Variants in PTPRT observed in about 807,000 individuals in gnomAD.
PTPRT encodes the protein receptor-type tyrosine-protein phosphatase T.
PTPRT carries 56 observed loss-of-function variants against 176.8 expected under a neutral mutation model. The ratio of observed to expected loss-of-function variants is 0.32; its 90% CI spans 0.26 to 0.40. The LOEUF is 0.40. Among genes scored for constraint, PTPRT ranks in the 10% least tolerant of loss-of-function variants. The probability of loss-of-function intolerance (pLI) is 1.00; values close to 1 mark genes in which losing one functional copy is unlikely to be tolerated. For synonymous variants in PTPRT, 783 were observed against 739.0 expected (o/e 1.06, Z -0.96); for missense variants, 1,540 against 1,908.2 (o/e 0.81, Z 3.60).
chr20:42,499,951 T>C (rs34344731), intron 7 of PTPRT, among the ~76,000 whole-genome samples: 2,779 of 152,318 alleles, frequency 0.018, 44 homozygotes, highest in Non-Finnish European at 0.027. Flanking sequence ...CAGTTTTCCA[T>C]TGTATGACTA....
rs181957081 is a variant in PTPRT, at chr20:42,436,492, C to T, written c.1560+11728G>A. On this transcript the variant is annotated intron_variant, in intron 9 of 30. Transcript: ENST00000373187. The stretch of plus-strand genomic sequence containing the variant: ...AATACAAAGCAAGACAACAAGATAC[C>T]ATTTTATATCTATTTAGTCAAAATG... Among the ~76,000 whole-genome samples the T allele has an allele frequency of 2.5e-3, 379 of 152,166 alleles. 4 individuals carry two copies. The highest frequency in any genetic ancestry group is 8.7e-3 in the African/African-American group (359 of 41,502).
intron 7 of PTPRT, among the ~76,000 whole-genome samples, chr20:42,614,191 C>A (rs866964101): frequency 3.3e-5 from 5 of 152,136 alleles, no homozygotes; most frequent in African/African-American, 1.2e-4. Context: ...TCTCTGCATT[C>A]AATTTCACAT....
rs923203415 is a variant in PTPRT, at chr20:42,602,061, G to A, written c.1153+75805C>T. 4.6e-5 allele frequency among the ~76,000 whole-genome samples: 7 copies of A among 152,132 alleles called. No homozygotes were observed. In the South Asian group the frequency reaches 6.2e-4, roughly 14 times the overall value. The stretch of plus-strand genomic sequence containing the variant: ...ATACAGGGCTCCATGCCTTGTTACC[G>A]GCTCTGCTTCTCAATGTCTTTGCCA... On this transcript the variant is annotated intron_variant, in intron 7 of 30. Transcript: ENST00000373187.
At chr20:42,865,527 T>G (rs773224817) in intron 2 of PTPRT, among the ~76,000 whole-genome samples, 14 of 152,214 alleles carry the variant, frequency 9.2e-5, no homozygotes, top group Non-Finnish European at 1.6e-4. Flanking sequence ...CCTGCTCTGA[T>G]GGAGCTTATA....
intron 2 of PTPRT, among the ~76,000 whole-genome samples, chr20:42,881,748 A>AAAG (rs2079015135): frequency 6.7e-6 from 1 of 148,328 alleles, no homozygotes; most frequent in African/African-American, 2.5e-5. Context: ...AAAAAAAAAA[A>AAAG]AGAGAGAGAG....
intron 2 of PTPRT, among the ~76,000 whole-genome samples, chr20:42,820,162 T>A (rs1008625275): frequency 1.3e-5 from 2 of 152,092 alleles, no homozygotes; most frequent in African/African-American, 4.8e-5. Context: ...AACCAAATAA[T>A]TGGAAGTAAA....
chr20:42,845,169 G>A (rs927038040), intron 2 of PTPRT, among the ~76,000 whole-genome samples: 2 of 152,094 alleles, frequency 1.3e-5, no homozygotes, highest in African/African-American at 2.4e-5. Context: ...CAGGATCCTC[G>A]GAGCAGTCAG....
intron 9 of PTPRT, among the ~76,000 whole-genome samples, chr20:42,363,176 T>C (rs2058455297): frequency 7.0e-6 from 1 of 142,864 alleles, no homozygotes; most frequent in Non-Finnish European, 1.5e-5. Flanking sequence ...GCACTAAGTC[T>C]CATTGATTGG....
chr20:42,154,053 G>A (rs1989246536), intron 17 of PTPRT, among the ~76,000 whole-genome samples: 1 of 152,148 alleles, frequency 6.6e-6, no homozygotes, highest in South Asian at 2.1e-4. Context: ...CGAGCAGGTG[G>A]AGCCCAGGTA....
At chr20:42,130,661 A>T (rs143534549) in intron 18 of PTPRT, among the ~76,000 whole-genome samples, 3 of 152,322 alleles carry the variant, frequency 2.0e-5, no homozygotes, top group African/African-American at 4.8e-5. Flanking sequence ...TTTAAGAATC[A>T]TTCACTGAGT....
At chr20:42,424,584 G>A (rs1315514797) in intron 9 of PTPRT, among the ~76,000 whole-genome samples, 2 of 152,044 alleles carry the variant, frequency 1.3e-5, no homozygotes, top group East Asian at 3.9e-4. Flanking sequence ...TACACAAGCA[G>A]CTCAAGTTTG....
intron 1 of PTPRT, among the ~76,000 whole-genome samples, chr20:43,087,859 G>C (rs577017499): frequency 6.6e-6 from 1 of 152,200 alleles, no homozygotes; most frequent in African/African-American, 2.4e-5. Context: ...TACTCAGTGG[G>C]GGCACAACAC....
At chr20:42,217,084 T>G (rs1366272329) in intron 15 of PTPRT, among the ~76,000 whole-genome samples, 3 of 152,068 alleles carry the variant, frequency 2.0e-5, no homozygotes, top group Non-Finnish European at 2.9e-5. Context: ...CCTCAAACAT[T>G]ACATCCAGGC....
rs76223363 is a variant in PTPRT at position 42,614,904 on chromosome 20, G to A, written c.1153+62962C>T. 4.5e-3 allele frequency among the ~76,000 whole-genome samples: 667 copies of A among 149,710 alleles called. 7 individuals are homozygous for A. The highest frequency in any genetic ancestry group is 0.016 in the African/African-American group (630 of 40,020). ...AGAGAGCTTGTATAGAGGAACTCTC[G>A]GTTTTTTTTGTTGTTTTCTTTTTTT... On this transcript the variant is annotated intron_variant, in intron 7 of 30. Transcript: ENST00000373187.
chr20:42,046,003 T>G, the PTPRT span, among the ~76,000 whole-genome samples: 2 of 152,202 alleles, frequency 1.3e-5, no homozygotes, highest in Non-Finnish European at 1.5e-5. Context: ...CAAGGCTATG[T>G]CTAAAGGGGC....
chr20:43,082,477 C>A (rs1041207201), intron 1 of PTPRT, among the ~76,000 whole-genome samples: 4 of 152,152 alleles, frequency 2.6e-5, no homozygotes, highest in African/African-American at 9.7e-5. Context: ...CAAGACACAA[C>A]CCTTGGACTG....
At position 42,259,682 on chromosome 20, in the gene PTPRT, T is replaced by C. The variant is rs113010965; in HGVS notation, c.2177-10860A>G. ...GGTTTCAGACCGCAGTCAAGGTTAA[T>C]GACCAGGATGTGGCTGAGGTAGGGG... On this transcript the variant is annotated intron_variant, in intron 13 of 30. Coordinates refer to ENST00000373187, the MANE Select transcript of PTPRT (RefSeq NM_007050.6). Among the ~76,000 whole-genome samples the C allele has an allele frequency of 9.8e-3, 1,490 of 152,308 alleles. 18 individuals are homozygous for C. Among genetic ancestry groups the C allele is most frequent in the African/African-American group, 0.034 (1,400 of 41,580 alleles).
intron 1 of PTPRT, among the ~76,000 whole-genome samples, chr20:42,994,812 G>A (rs6030594): frequency 6.6e-6 from 1 of 152,178 alleles, no homozygotes; most frequent in East Asian, 1.9e-4. Flanking sequence ...CTGCTATTAG[G>A]AAAACTTCAA....
chr20:42,596,380 G>A (rs6030352), intron 7 of PTPRT, among the ~76,000 whole-genome samples: 42,715 of 152,058 alleles, frequency 0.28, 6,388 homozygotes, highest in African/African-American at 0.32. Flanking sequence ...TATCATCTTC[G>A]TTTGTTCCTC....
Sources: gnomAD v4.1 joint callset for allele counts (sites outside exome capture counted in the v4.1 genomes callset) on GRCh38, gnomAD v4.1.1 for gene constraint, MANE v1.5 for transcripts, NCBI Gene and HGNC (gene_info 2026-07-23, HGNC 2026-07-21) for gene names.